Variants in KCNH7 observed in about 807,000 individuals in gnomAD.
KCNH7 encodes the protein potassium voltage-gated channel subfamily H member 7, also known as voltage-gated inwardly rectifying potassium channel KCNH7.
Under a neutral mutation model 120.8 loss-of-function variants are expected in KCNH7, and 49 were observed. The observed-to-expected ratio is 0.41, with a 90% CI of 0.32 to 0.51. KCNH7 has a LOEUF of 0.51. Ranked by LOEUF, KCNH7 falls within the 20% of genes least tolerant of loss-of-function variation. The probability of loss-of-function intolerance (pLI) is 0.38; values close to 1 mark genes in which losing one functional copy is unlikely to be tolerated. For missense variants in KCNH7, 1,097 were observed against 1,446.6 expected (o/e 0.76, Z 3.92); for synonymous variants, 547 against 516.1 (o/e 1.06, Z -0.81).
intron 2 of KCNH7, among the ~76,000 whole-genome samples, chr2:162,658,961 C>A (rs555781711): frequency 6.6e-6 from 1 of 152,186 alleles, no homozygotes; most frequent in South Asian, 2.1e-4. Flanking sequence ...GCTTTTATTT[C>A]CTTTTCTTGT....
chr2:162,461,392 A>C (rs1689140534), intron 6 of KCNH7, among the ~76,000 whole-genome samples: 1 of 152,214 alleles, frequency 6.6e-6, no homozygotes, highest in South Asian at 2.1e-4. Flanking sequence ...TAAGATAACA[A>C]ATGTATATAG....
chr2:162,467,232 A>G lies in KCNH7; in HGVS notation c.1129-20789T>C, dbSNP rs1393028057. On this transcript the variant is annotated intron_variant, in intron 6 of 15. Coordinates refer to ENST00000332142, the MANE Select transcript of KCNH7 (RefSeq NM_033272.4). ...TGAAGTGATTCTTTCACCTAAGATTATGAAATCAATGTGTCAACTTAGTTC... is the reference window on the plus strand; with the variant it reads ...TGAAGTGATTCTTTCACCTAAGATTGTGAAATCAATGTGTCAACTTAGTTC... Among the ~76,000 whole-genome samples, 3 of 152,302 alleles carry G rather than the reference A, an allele frequency of 2.0e-5. No homozygotes were observed. The East Asian group carries it at 5.8e-4, about 29-fold the overall frequency.
At chr2:162,621,711 G>A (rs1250468837) in intron 2 of KCNH7, among the ~76,000 whole-genome samples, 1 of 152,040 alleles carries the variant, frequency 6.6e-6, no homozygotes, top group Non-Finnish European at 1.5e-5. Flanking sequence ...GTTATTGGCT[G>A]GTTATATTTC....
At chr2:162,729,003 A>AT (rs1687625256) in intron 2 of KCNH7, among the ~76,000 whole-genome samples, 1 of 150,416 alleles carries the variant, frequency 6.6e-6, no homozygotes, top group Non-Finnish European at 1.5e-5. Context: ...TTTTTTTTTT[A>AT]TTTTTTTAAA....
chr2:162,518,087 CT>C lies in KCNH7; in HGVS notation c.534del (p.Asp179ThrfsTer17). The C allele has an allele frequency of 6.2e-7, 1 of 1,612,230 alleles. No individual in the cohort carries two copies. The highest frequency in any genetic ancestry group is 8.5e-7 in the Non-Finnish European group (1 of 1,178,772). On this transcript the variant is annotated frameshift_variant, in exon 4 of 16. Transcript: ENST00000332142. LOFTEE classifies it high-confidence loss of function. The part of the protein sequence containing the change: ...LTYRKQSLPQ[E>X]DPDVVVIDSS... ...GAATCGATGACCACCACATCGGGGTCTTCTTGTGGTAAGGACTGCTTTCTGT... is the reference window on the plus strand; with the variant it reads ...GAATCGATGACCACCACATCGGGGTCTCTTGTGGTAAGGACTGCTTTCTGT...
At chr2:162,481,125 A>C (rs915194929) in intron 6 of KCNH7, among the ~76,000 whole-genome samples, 12 of 152,212 alleles carry the variant, frequency 7.9e-5, no homozygotes, top group African/African-American at 2.6e-4. Flanking sequence ...ACCAGTATAA[A>C]TTTTGTCACA....
chr2:162,471,064 C>T (rs1689507042), intron 6 of KCNH7, among the ~76,000 whole-genome samples: 1 of 152,006 alleles, frequency 6.6e-6, no homozygotes, highest in Non-Finnish European at 1.5e-5. Flanking sequence ...TGTTAAGAGT[C>T]ATCACCACTC....
At chr2:162,609,951 C>T (rs1682907987) in intron 2 of KCNH7, among the ~76,000 whole-genome samples, 1 of 152,070 alleles carries the variant, frequency 6.6e-6, no homozygotes. Flanking sequence ...CAAACTGGGC[C>T]GTCTCTAGGA....
In KCNH7 at chr2:162,580,672, G is replaced by A. The variant is rs902893560; in HGVS notation, c.308-43592C>T. ...CCTGGATGAGCAATTAATTATTTGG[G>A]TTAAAAGAAAGAGGACTGGAGAGAA... On this transcript the variant is annotated intron_variant, in intron 2 of 15. Transcript: ENST00000332142. Among the ~76,000 whole-genome samples, 9 of 152,056 alleles carry A rather than the reference G, an allele frequency of 5.9e-5. 1 individual carries two copies.
intron 2 of KCNH7, among the ~76,000 whole-genome samples, chr2:162,621,549 G>A (rs1044810988): frequency 6.6e-6 from 1 of 151,992 alleles, no homozygotes; most frequent in African/African-American, 2.4e-5. Flanking sequence ...AATTGATTAT[G>A]TACCACTTGC....
intron 2 of KCNH7, among the ~76,000 whole-genome samples, chr2:162,574,381 T>C (rs1191497660): frequency 1.3e-5 from 2 of 151,920 alleles, no homozygotes. Flanking sequence ...TTTTAAAGTA[T>C]TAATTTTCTC....
chr2:162,729,161 A>ATTTTTT (rs1203109189), intron 2 of KCNH7, among the ~76,000 whole-genome samples: 3 of 137,300 alleles, frequency 2.2e-5, no homozygotes, highest in South Asian at 2.2e-4. Flanking sequence ...AATATACCCA[A>ATTTTTT]ATTTTTTTTT....
At chr2:162,603,881 A>T (rs1045114663) in intron 2 of KCNH7, among the ~76,000 whole-genome samples, 1 of 152,052 alleles carries the variant, frequency 6.6e-6, no homozygotes, top group African/African-American at 2.4e-5. Context: ...AAACATATAA[A>T]ATATTTGCAG....
intron 3 of KCNH7, among the ~76,000 whole-genome samples, chr2:162,530,918 T>C (rs1024247366): frequency 1.4e-4 from 21 of 151,958 alleles, no homozygotes; most frequent in Non-Finnish European, 2.9e-5. Flanking sequence ...TTAACTTTTC[T>C]GCTTGATTTA....
At chr2:162,614,707 T>C (rs1683081384) in intron 2 of KCNH7, among the ~76,000 whole-genome samples, 1 of 148,470 alleles carries the variant, frequency 6.7e-6, no homozygotes, top group East Asian at 1.9e-4. Context: ...TTATATATTA[T>C]ATACTACATA....
chr2:162,618,254 C>G (rs1041247517), intron 2 of KCNH7, among the ~76,000 whole-genome samples: 1 of 151,892 alleles, frequency 6.6e-6, no homozygotes, highest in African/African-American at 2.4e-5. Flanking sequence ...TATTTAGTCT[C>G]AGGCCTCTTT....
At chr2:162,419,289 A>AG (rs1687630254) in intron 9 of KCNH7, among the ~76,000 whole-genome samples, 1 of 151,104 alleles carries the variant, frequency 6.6e-6, no homozygotes, top group Non-Finnish European at 1.5e-5. Flanking sequence ...AAAAAAAAAA[A>AG]AAAAAAAAGC....
chr2:162,384,562 G>A lies in KCNH7; in HGVS notation c.2962+126C>T, dbSNP rs148339170. 2.0e-4 allele frequency: 189 copies of A among 952,102 alleles called. No individual in the cohort carries two copies. In the East Asian group the frequency reaches 3.3e-3, roughly 17 times the overall value. 59.0% of individuals were successfully genotyped at this position (952,102 alleles called of 1,614,324 possible). The stretch of plus-strand genomic sequence containing the variant: ...GGATGATCTGAAATCTGAACGCTTC[G>A]CGAACATTTCATGAAGTTGAGAACA... On this transcript the variant is annotated intron_variant, in intron 13 of 15. Transcript: ENST00000332142.
intron 7 of KCNH7, among the ~76,000 whole-genome samples, chr2:162,437,735 A>G (rs868442026): frequency 6.6e-6 from 1 of 152,148 alleles, no homozygotes; most frequent in South Asian, 2.1e-4. Context: ...AACATCCTTT[A>G]CATTTTTCTT....
Sources: allele counts gnomAD v4.1 joint callset (sites outside exome capture counted in the v4.1 genomes callset), GRCh38; gene constraint gnomAD v4.1.1; transcripts MANE v1.5; gene names NCBI Gene and HGNC (gene_info 2026-07-23, HGNC 2026-07-21).